Variants in CERS6 observed in about 807,000 individuals in gnomAD.
CERS6 encodes the protein ceramide synthase 6.
A neutral mutation model predicts 56.8 loss-of-function variants in CERS6; 26 were observed. The ratio of observed to expected loss-of-function variants is 0.46; its 90% CI spans 0.34 to 0.63. The LOEUF (loss-of-function observed/expected upper bound fraction) is 0.63. CERS6 is among the 30% of genes least tolerant of loss of function. The probability of loss-of-function intolerance (pLI) is 0.01; values close to 1 mark genes in which losing one functional copy is unlikely to be tolerated. For synonymous variants in CERS6, 164 were observed against 173.3 expected (o/e 0.95, Z 0.42); for missense variants, 415 against 467.5 (o/e 0.89, Z 1.04).
intron 3 of CERS6, among the ~76,000 whole-genome samples, chr2:168,622,254 T>C (rs150701287): frequency 3.8e-4 from 56 of 148,498 alleles, no homozygotes; most frequent in African/African-American, 1.4e-3. Flanking sequence ...AGGATAGTCA[T>C]TGAGCTAACA....
rs543200041 is a variant in CERS6 at position 168,690,925 on chromosome 2, G to A, written c.466-109G>A. 6 of 929,280 alleles carry A rather than the reference G, an allele frequency of 6.5e-6. No homozygotes were observed. In the East Asian group the frequency reaches 1.2e-4, roughly 19 times the overall value. The allele number at this position is 929,280 out of a possible 1,614,324, so 57.6% of individuals were successfully genotyped here. A position where few individuals can be genotyped will look rare whatever the true frequency, so the allele number is the denominator to read the frequency against. ...TTAAAGTTTGTCAGTTCTCACACAG[G>A]TAAATTATTGAAATCCAAAAATATT... On this transcript the variant is annotated intron_variant, in intron 4 of 9. Coordinates refer to ENST00000305747, the MANE Select transcript of CERS6 (RefSeq NM_203463.3).
At chr2:168,626,787 G>T (rs539872517) in intron 3 of CERS6, among the ~76,000 whole-genome samples, 2 of 152,214 alleles carry the variant, frequency 1.3e-5, no homozygotes, top group South Asian at 4.1e-4. Flanking sequence ...TTACAAGGTT[G>T]CTTCCTTATA....
intron 1 of CERS6, among the ~76,000 whole-genome samples, chr2:168,485,710 C>T (rs899440943): frequency 1.3e-5 from 2 of 152,102 alleles, no homozygotes; most frequent in Non-Finnish European, 2.9e-5. Flanking sequence ...TAATATTCCA[C>T]CTTATAGATA....
chr2:168,473,625 G>C (rs576872114), intron 1 of CERS6, among the ~76,000 whole-genome samples: 6 of 152,028 alleles, frequency 3.9e-5, no homozygotes, highest in African/African-American at 1.2e-4. Flanking sequence ...CTACAAAATT[G>C]TGTTTGAAAT....
At chr2:168,760,304 G>A (rs897290096) in intron 8 of CERS6, among the ~76,000 whole-genome samples, 17 of 152,190 alleles carry the variant, frequency 1.1e-4, no homozygotes, top group African/African-American at 4.1e-4. Flanking sequence ...GATGTTTGAG[G>A]ACAAGAAGCA....
chr2:168,559,216 CA>C (rs1171155003), intron 2 of CERS6, among the ~76,000 whole-genome samples: 6 of 150,942 alleles, frequency 4.0e-5, no homozygotes, highest in Non-Finnish European at 7.4e-5. Context: ...AAAAAAACCC[CA>C]AAAAACCCCA....
intron 1 of CERS6, among the ~76,000 whole-genome samples, chr2:168,501,266 C>T (rs977331763): frequency 1.3e-5 from 2 of 152,166 alleles, no homozygotes; most frequent in African/African-American, 2.4e-5. Flanking sequence ...ATATGTTTAC[C>T]CAGGAGTCAA....
Position 168,752,163 on chromosome 2 carries a change from TGTG to T in CERS6, c.846-13421_846-13419del, listed in dbSNP as rs371436292. Among the ~76,000 whole-genome samples the T allele has an allele frequency of 3.2e-4, 48 of 152,202 alleles. No homozygotes were observed. The Middle Eastern group carries it at 0.014, about 43-fold the overall frequency. ...TCTTAAGCATGTGGATTATGCCAGA[TGTG>T]GTGGTGGCACAGCTGTAATTCCAGC... On this transcript the variant is annotated intron_variant, in intron 8 of 9. Transcript: ENST00000305747.
chr2:168,698,236 GAAAAAAAAAAAAAAAAAAGAAAAAAA>G (rs201355417), intron 6 of CERS6, among the ~76,000 whole-genome samples: 4 of 124,986 alleles, frequency 3.2e-5, no homozygotes, highest in Non-Finnish European at 4.8e-5. Flanking sequence ...TGTCTCACAG[GAAAAAAAAAAAAAAAAAAGAAAAAAA>G]AAAAAAAAAA....
chr2:168,461,610 T>C (rs1338893626), intron 1 of CERS6, among the ~76,000 whole-genome samples: 1 of 152,100 alleles, frequency 6.6e-6, no homozygotes, highest in Non-Finnish European at 1.5e-5. Flanking sequence ...TCTAGTAAAA[T>C]AAAAAGTTTT....
intron 6 of CERS6, among the ~76,000 whole-genome samples, chr2:168,701,662 C>T (rs936280186): frequency 2.6e-5 from 4 of 152,058 alleles, no homozygotes; most frequent in African/African-American, 7.2e-5. Flanking sequence ...CACCAACCCC[C>T]GCCCCCGAGG....
intron 4 of CERS6, among the ~76,000 whole-genome samples, chr2:168,652,177 C>T (rs1344992050): frequency 6.6e-6 from 1 of 151,876 alleles, no homozygotes; most frequent in Non-Finnish European, 1.5e-5. Context: ...AAACTTAGTT[C>T]AACGAAATCA....
chr2:168,704,765 C>CT (rs1686895382), intron 6 of CERS6, among the ~76,000 whole-genome samples: 1 of 152,150 alleles, frequency 6.6e-6, no homozygotes, highest in African/African-American at 2.4e-5. Context: ...TGCCACCACA[C>CT]CCGGCTAATT....
intron 3 of CERS6, among the ~76,000 whole-genome samples, chr2:168,613,100 G>T (rs1488826600): frequency 2.0e-5 from 3 of 152,210 alleles, no homozygotes; most frequent in African/African-American, 7.2e-5. Flanking sequence ...GATAAAGGGG[G>T]GTTGAAGGCG....
rs190632777 is a variant in CERS6 at position 168,728,117 on chromosome 2, T to A, written c.845+10139T>A. On this transcript the variant is annotated intron_variant, in intron 8 of 9. Transcript: ENST00000305747. ...GTAAAGTTTTATTGGAACACAGCCT[T>A]GCCCATCTATTAATATTGTCTTTGG... 4.2e-3 allele frequency among the ~76,000 whole-genome samples: 636 copies of A among 152,294 alleles called. 4 individuals carry two copies. The highest frequency in any genetic ancestry group is 0.015 in the African/African-American group (614 of 41,562).
At chr2:168,612,602 A>G (rs886715181) in intron 3 of CERS6, among the ~76,000 whole-genome samples, 1 of 152,246 alleles carries the variant, frequency 6.6e-6, no homozygotes, top group Non-Finnish European at 1.5e-5. Context: ...GCTTTACCCA[A>G]CTAAGAAAAG....
intron 1 of CERS6, among the ~76,000 whole-genome samples, chr2:168,497,354 T>A (rs973210719): frequency 1.3e-5 from 2 of 150,712 alleles, no homozygotes; most frequent in African/African-American, 2.4e-5. Flanking sequence ...TGTCAGGTAG[T>A]GATAAATACC....
At chr2:168,457,789 T>G (rs1693701022) in intron 1 of CERS6, among the ~76,000 whole-genome samples, 1 of 152,188 alleles carries the variant, frequency 6.6e-6, no homozygotes, top group Non-Finnish European at 1.5e-5. Flanking sequence ...AGAACGCGTC[T>G]TTTGAGTCAT....
chr2:168,564,851 C>G (rs1695856222), intron 3 of CERS6, among the ~76,000 whole-genome samples: 1 of 152,200 alleles, frequency 6.6e-6, no homozygotes, highest in African/African-American at 2.4e-5. Flanking sequence ...CTTAACTTGC[C>G]TATCTATTTC....
Sources: gnomAD v4.1 joint callset for allele counts (sites outside exome capture counted in the v4.1 genomes callset) on GRCh38, gnomAD v4.1.1 for gene constraint, MANE v1.5 for transcripts, NCBI Gene and HGNC (gene_info 2026-07-23, HGNC 2026-07-21) for gene names.